Variants in SREBF1 observed in about 807,000 individuals in gnomAD.
The protein encoded by SREBF1 is sterol regulatory element-binding protein 1.
Under a neutral mutation model 100.1 loss-of-function variants are expected in SREBF1, and 45 were observed. The observed-to-expected ratio is 0.45, with a 90% CI of 0.35 to 0.58. The LOEUF (loss-of-function observed/expected upper bound fraction) is 0.58. Ranked by LOEUF, SREBF1 falls within the 20% of genes least tolerant of loss-of-function variation. The probability of loss-of-function intolerance (pLI) is 0.00; values close to 1 mark genes in which losing one functional copy is unlikely to be tolerated. For missense variants in SREBF1, 1,324 were observed against 1,539.4 expected (o/e 0.86, Z 2.34); for synonymous variants, 657 against 681.8 (o/e 0.96, Z 0.57).
Position 17,829,589 on chromosome 17 carries a change from G to A in SREBF1, c.91+7138C>T, listed in dbSNP as rs2034729840. Reference sequence around the variant, plus strand: ...GCACAGAAACCGCCATCTGTGGCCAGATGGCCACTCTGCCCGTCCTCCCCC... The same window carrying A: ...GCACAGAAACCGCCATCTGTGGCCAAATGGCCACTCTGCCCGTCCTCCCCC... On this transcript the variant is annotated intron_variant, in intron 1 of 18. Coordinates refer to ENST00000261646, the MANE Select transcript of SREBF1 (RefSeq NM_004176.5). Among the ~76,000 whole-genome samples, 3 of 152,110 alleles carry A rather than the reference G, an allele frequency of 2.0e-5. 1 individual carries two copies. In the South Asian group the frequency reaches 6.2e-4, roughly 32 times the overall value.
intron 1 of SREBF1, among the ~76,000 whole-genome samples, chr17:17,825,405 C>T (rs1031818319): frequency 5.6e-5 from 8 of 142,510 alleles, no homozygotes; most frequent in Non-Finnish European, 9.3e-5. Flanking sequence ...GGGGGTGGGG[C>T]GGGGGGGGCC....
chr17:17,813,689 GGCCGGGGCCGGGGGCTGCTGCTGCC>G lies in SREBF1; in HGVS notation c.2957_2981del (p.Arg986ProfsTer25). 1 of 1,540,144 alleles carries G rather than the reference GGCCGGGGCCGGGGGCTGCTGCTGCC, an allele frequency of 6.5e-7. No homozygotes were observed. Among genetic ancestry groups the G allele is most frequent in the African/African-American group, 1.4e-5 (1 of 73,256 alleles). Reference sequence around the variant, plus strand: ...TGCTGCTGGTGCCCTGGGCTGCTGGGGCCGGGGCCGGGGGCTGCTGCTGCCGCCACAGGCTGGTGCGCACCACAAG... The same window carrying G: ...TGCTGCTGGTGCCCTGGGCTGCTGGGGCCACAGGCTGGTGCGCACCACAAG... On this transcript the variant is annotated frameshift_variant, in exon 17 of 19. Coordinates refer to ENST00000261646, the MANE Select transcript of SREBF1 (RefSeq NM_004176.5). LOFTEE classifies it high-confidence loss of function.
In SREBF1 at chr17:17,812,085, A is replaced by AATTT. The variant is rs1555568649; in HGVS notation, c.*533_*536dup. 2.3e-6 allele frequency: 1 copy of AATTT among 432,136 alleles called. No homozygotes were observed. Among genetic ancestry groups the AATTT allele is most frequent in the African/African-American group, 2.1e-5 (1 of 48,110 alleles). The allele number at this position is 432,136 out of a possible 1,614,324, so 26.8% of individuals were successfully genotyped here. ...AAGACACAAAACCCAGATTATAAAT[A>AATTT]ATTTCATTTTTAATTCTCTGTACAA... On this transcript the variant is annotated 3_prime_UTR_variant, in exon 19 of 19. Transcript: ENST00000261646.
In SREBF1 at chr17:17,817,317, G is replaced by A. The variant is rs2033694593; in HGVS notation, c.1545C>T (p.Pro515=). 1.2e-6 allele frequency: 2 copies of A among 1,606,522 alleles called. No homozygotes were observed. The highest frequency in any genetic ancestry group is 1.7e-4 in the Middle Eastern group (1 of 5,898). The change falls in exon 8 of 19, where the codon CCC becomes CCT. Residue 515 remains proline, a synonymous_variant. Transcript: ENST00000261646. The surrounding 1 kb of genome is among the most constrained non-coding windows in gnomAD (Gnocchi z 6.6). ...SLLGARGLPS[P]SDTTSVYHSP... ...TATGGTAGACGCTGGTGGTATCTGAGGGGCTGGGAAGCCCCCGGGCCCCCA... is the reference window on the plus strand; with the variant it reads ...TATGGTAGACGCTGGTGGTATCTGAAGGGCTGGGAAGCCCCCGGGCCCCCA...
At position 17,819,915 on chromosome 17, in the gene SREBF1, C is replaced by A. The variant is rs1448343152; in HGVS notation, c.523+175G>T. 7 of 1,159,456 alleles carry A rather than the reference C, an allele frequency of 6.0e-6. No individual in the cohort carries two copies. In the East Asian group the frequency reaches 1.5e-4, roughly 26 times the overall value. The allele number at this position is 1,159,456 out of a possible 1,614,324, so 71.8% of individuals were successfully genotyped here. On this transcript the variant is annotated intron_variant, in intron 2 of 18. Transcript: ENST00000261646. ...CCAGGCCTCCAGTGCGAGGTTGCGCCTACCCCGGCAACAAGCACACCAGGA... is the reference window on the plus strand; with the variant it reads ...CCAGGCCTCCAGTGCGAGGTTGCGCATACCCCGGCAACAAGCACACCAGGA...
In SREBF1 at chr17:17,818,392, G is replaced by A. The variant is rs758414939; in HGVS notation, c.1069-18C>T. 4.4e-6 allele frequency: 7 copies of A among 1,600,838 alleles called. No individual in the cohort carries two copies. The highest frequency in any genetic ancestry group is 2.2e-5 in the East Asian group (1 of 44,832). On this transcript the variant is annotated intron_variant, in intron 5 of 18. Transcript: ENST00000261646. ...TTATTCAGCTGCACGGTGTGGGAGG[G>A]AGGGGGAGCGCACAGGTGGCCTGTC...
chr17:17,823,047 G>A (rs985469582), intron 1 of SREBF1, among the ~76,000 whole-genome samples: 13 of 152,306 alleles, frequency 8.5e-5, no homozygotes, highest in South Asian at 2.1e-4. Flanking sequence ...GAGCCTCTTC[G>A]ATAGATGGGG....
chr17:17,836,862 G>A lies in SREBF1; in HGVS notation c.-45C>T. On this transcript the variant is annotated 5_prime_UTR_variant, in exon 1 of 19. It adds an upstream start codon to the 5' untranslated region. Coordinates refer to ENST00000261646, the MANE Select transcript of SREBF1 (RefSeq NM_004176.5). The stretch of plus-strand genomic sequence containing the variant: ...GGAGGCCCGCCGGGCCCGCCGCCTC[G>A]TACGGCCCTTCCTAGGGAGCGCCGC... 6.7e-7 allele frequency: 1 copy of A among 1,501,166 alleles called. No individual in the cohort carries two copies. The highest frequency in any genetic ancestry group is 1.2e-5 in the South Asian group (1 of 80,870). The allele number at this position is 1,501,166 out of a possible 1,614,324, so 93.0% of individuals were successfully genotyped here. A position where few individuals can be genotyped will look rare whatever the true frequency, so the allele number is the denominator to read the frequency against.
chr17:17,827,404 G>C (rs972373403), intron 1 of SREBF1, among the ~76,000 whole-genome samples: 4 of 152,182 alleles, frequency 2.6e-5, no homozygotes, highest in Non-Finnish European at 5.9e-5. Flanking sequence ...CCTGCTAATG[G>C]AGGCAGCAGG....
chr17:17,832,439 G>A (rs1030341272), intron 1 of SREBF1, among the ~76,000 whole-genome samples: 1 of 152,176 alleles, frequency 6.6e-6, no homozygotes, highest in Admixed American at 6.5e-5. Context: ...CTCAAGGCCA[G>A]CCTGGCCCCC....
At chr17:17,822,055 A>G (rs967101096) in intron 1 of SREBF1, among the ~76,000 whole-genome samples, 2 of 152,202 alleles carry the variant, frequency 1.3e-5, no homozygotes, top group African/African-American at 2.4e-5. Flanking sequence ...TTTTGACTCC[A>G]ATGCCCCAAC....
rs376434701 is a variant in SREBF1 at position 17,816,942 on chromosome 17, G to A, written c.1785+16C>T. On this transcript the variant is annotated intron_variant, in intron 9 of 18. Transcript: ENST00000261646. ...GGGTCCCTGCCCTGCCCACTCTGCC[G>A]GGGCCAGCCCCTTACCCGGGCCAGG... 1.7e-5 allele frequency: 28 copies of A among 1,612,594 alleles called. No individual in the cohort carries two copies. Among genetic ancestry groups the A allele is most frequent in the East Asian group, 6.7e-5 (3 of 44,896 alleles).
intron 1 of SREBF1, among the ~76,000 whole-genome samples, chr17:17,823,168 C>T (rs1711746395): frequency 6.6e-6 from 1 of 152,206 alleles, no homozygotes; most frequent in Admixed American, 6.5e-5. Context: ...ATAGGGCAGA[C>T]GCTGTGGCAG....
chr17:17,818,667 C>CT, intron 5 of SREBF1: 1 of 550,002 alleles, frequency 1.8e-6, no homozygotes, highest in Non-Finnish European at 3.3e-6. Flanking sequence ...CCTCACCATC[C>CT]TCTTCCTGCT....
At position 17,812,782 on chromosome 17, in the gene SREBF1, C is replaced by T; in HGVS notation, c.3284G>A (p.Cys1095Tyr). The T allele has an allele frequency of 6.5e-7, 1 of 1,526,894 alleles. No individual in the cohort carries two copies. Among genetic ancestry groups the T allele is most frequent in the Non-Finnish European group, 8.8e-7 (1 of 1,137,722 alleles). 94.6% of individuals were successfully genotyped at this position (1,526,894 alleles called of 1,614,324 possible). ...CGACAGGAAGCCGGGGGGCAGGTAG[C>T]AGGAGGCCAGCAGCAAGGCCTCCGC... ...EHAEALLLAS[C>Y]YLPPGFLSAP... is the part of the protein sequence containing the mutation. Residue 1095 changes from cysteine (C) to tyrosine (Y), a missense_variant, in exon 19 of 19, where the codon TGC (cysteine) becomes TAC (tyrosine). Coordinates refer to ENST00000261646, the MANE Select transcript of SREBF1 (RefSeq NM_004176.5).
At chr17:17,826,571 T>A (rs898749179) in intron 1 of SREBF1, among the ~76,000 whole-genome samples, 9 of 152,162 alleles carry the variant, frequency 5.9e-5, no homozygotes, top group Admixed American at 3.9e-4. Context: ...TGGCCCCAAC[T>A]GCTCCCTAGT....
chr17:17,836,200 GA>G (rs1376525721), intron 1 of SREBF1, among the ~76,000 whole-genome samples: 1 of 152,284 alleles, frequency 6.6e-6, no homozygotes, highest in Non-Finnish European at 1.5e-5. Flanking sequence ...AATGAGTGCG[GA>G]GGCTGTGCCC....
intron 2 of SREBF1, 147 bp downstream of exon 2, chr17:17,819,943 G>C: frequency 8.8e-7 from 1 of 1,142,594 alleles, no homozygotes; most frequent in East Asian, 2.6e-5. Flanking sequence ...CACCAGGACT[G>C]CTAGTAACAG....
At chr17:17,822,579 C>A (rs1249894256) in intron 1 of SREBF1, among the ~76,000 whole-genome samples, 1 of 152,242 alleles carries the variant, frequency 6.6e-6, no homozygotes, top group East Asian at 1.9e-4. Flanking sequence ...GCCCTCTAAC[C>A]CACTCGTGGT....
Sources: allele counts gnomAD v4.1 joint callset (sites outside exome capture counted in the v4.1 genomes callset), GRCh38; gene constraint gnomAD v4.1.1; non-coding constraint Gnocchi (gnomAD v3.1); transcripts MANE v1.5; gene names NCBI Gene and HGNC (gene_info 2026-07-23, HGNC 2026-07-21).